Variants in RNF168 observed in about 807,000 individuals in gnomAD.
The protein encoded by RNF168 is E3 ubiquitin-protein ligase RNF168.
In RNF168, 34 loss-of-function variants were observed where a neutral mutation model predicts 34.9. That is an observed-to-expected ratio of 0.97 (90% confidence interval 0.74 to 1.30). The LOEUF (loss-of-function observed/expected upper bound fraction) is 1.30. RNF168 is among the 50% of genes most tolerant of loss of function. RNF168 has a pLI of 0.00. For synonymous variants in RNF168, 264 were observed against 254.7 expected (o/e 1.04, Z -0.35); for missense variants, 725 against 682.5 (o/e 1.06, Z -0.69).
intron 4 of RNF168, 97 bp downstream of exon 4, chr3:196,483,673 C>T (rs937877520): frequency 9.5e-6 from 10 of 1,052,144 alleles, no homozygotes; most frequent in Middle Eastern, 2.9e-4. Flanking sequence ...ACAAAGTTCA[C>T]GGACCAAACT....
chr3:196,474,448 T>C (rs1732091409), intron 5 of RNF168, among the ~76,000 whole-genome samples: 1 of 103,092 alleles, frequency 9.7e-6, no homozygotes. Context: ...TGTAATATTC[T>C]TTTTTTTTTT....
intron 4 of RNF168, among the ~76,000 whole-genome samples, chr3:196,476,415 C>T (rs1370665338): frequency 9.1e-5 from 12 of 131,266 alleles, no homozygotes; most frequent in Non-Finnish European, 1.2e-4. Context: ...TATCAACTCT[C>T]TTCTTTTTTT....
rs777601326 is a variant in RNF168, at chr3:196,483,805, ACTTTT to A, written c.640_644del (p.Lys214Ter). ...CTCCAGTGTTTCTTTGTTTGTTCTTACTTTTCTTTTCAGACTTGGGTGTAACTGGA... is the reference window on the plus strand; with the variant it reads ...CTCCAGTGTTTCTTTGTTTGTTCTTACTTTTCAGACTTGGGTGTAACTGGA... On this transcript the variant is annotated frameshift_variant, in exon 4 of 6. Coordinates refer to ENST00000318037, the MANE Select transcript of RNF168 (RefSeq NM_152617.4). LOFTEE classifies it high-confidence loss of function. 432 of 1,611,386 alleles carry A rather than the reference ACTTTT, an allele frequency of 2.7e-4. 3 individuals carry two copies. The highest frequency in any genetic ancestry group is 1.5e-5 in the Non-Finnish European group (18 of 1,177,604).
In RNF168 at chr3:196,471,196, C is replaced by CAAAAAAAAAAAAA. The variant is rs57647149; in HGVS notation, c.*610_*622dup. ...GCGTGACAGAGCAAGACTCTGTCTCCAAAAAAAAAAAAAAAAAAAAAAAAA... is the reference window on the plus strand; with the variant it reads ...GCGTGACAGAGCAAGACTCTGTCTCCAAAAAAAAAAAAAAAAAAAAAAAAAAAAAAAAAAAAAA... On this transcript the variant is annotated 3_prime_UTR_variant, in exon 6 of 6. Coordinates refer to ENST00000318037, the MANE Select transcript of RNF168 (RefSeq NM_152617.4). 20 of 40,636 alleles carry CAAAAAAAAAAAAA rather than the reference C, an allele frequency of 4.9e-4. 3 individuals are homozygous for CAAAAAAAAAAAAA. Among genetic ancestry groups the CAAAAAAAAAAAAA allele is most frequent in the East Asian group, 2.8e-3 (1 of 358 alleles). 2.5% of individuals were successfully genotyped at this position (40,636 alleles called of 1,614,324 possible).
intron 1 of RNF168, among the ~76,000 whole-genome samples, chr3:196,492,221 G>C (rs911338634): frequency 6.6e-6 from 1 of 152,168 alleles, no homozygotes; most frequent in Non-Finnish European, 1.5e-5. Context: ...CTAAGAGGCT[G>C]GGCACAGTGG....
In RNF168 at chr3:196,474,119, T is replaced by A. The variant is rs1041297127; in HGVS notation, c.762+1112A>T. On this transcript the variant is annotated intron_variant, in intron 5 of 5. Transcript: ENST00000318037. Reference sequence around the variant, plus strand: ...CCTTACTAGCATACTTTTTCTCATCTTGCAATTTTTTTTTTTTTTTTTTTT... The same window carrying A: ...CCTTACTAGCATACTTTTTCTCATCATGCAATTTTTTTTTTTTTTTTTTTT... Among the ~76,000 whole-genome samples the A allele has an allele frequency of 2.7e-5, 4 of 150,140 alleles. No individual in the cohort carries two copies. The Admixed American group carries it at 2.7e-4, about 10-fold the overall frequency.
rs934568197 is a variant in RNF168, at chr3:196,501,753, A to C, written c.301+1120T>G. On this transcript the variant is annotated intron_variant, in intron 1 of 5. Coordinates refer to ENST00000318037, the MANE Select transcript of RNF168 (RefSeq NM_152617.4). ...TTAAAAATAACGCAATATACCAAAA[A>C]CCATTAAATTGCACACTTTTAAACA... Among the ~76,000 whole-genome samples the C allele has an allele frequency of 1.3e-4, 20 of 152,212 alleles. 1 individual carries two copies. The highest frequency in any genetic ancestry group is 1.3e-3 in the Admixed American group (20 of 15,274).
intron 5 of RNF168, among the ~76,000 whole-genome samples, chr3:196,474,291 AT>A (rs71694194): frequency 0.53 from 72,098 of 135,318 alleles, 19,573 homozygotes; most frequent in Non-Finnish European, 0.62. Context: ...CACCTGGCTA[AT>A]TTTTTTTTTT....
chr3:196,472,211 G>C lies in RNF168; in HGVS notation c.1324C>G (p.Gln442Glu), dbSNP rs1386964922. 2 of 1,613,822 alleles carry C rather than the reference G, an allele frequency of 1.2e-6. No individual in the cohort carries two copies. Among genetic ancestry groups the C allele is most frequent in the Non-Finnish European group, 1.7e-6 (2 of 1,179,876 alleles). ...GCCAATAACCTGTCCTGTTCTTCTT[G>C]TTTATGTCTCTCAAACAGTAGATGC... ...LEHLLFERHK[Q>E]EEQDRLLALQ... The change falls in exon 6 of 6, where the codon CAA becomes GAA. Residue 442 changes from glutamine to glutamate, a missense_variant. Physicochemically the swap from Gln to Glu is conservative, Grantham distance 29. Transcript: ENST00000318037.
rs1171077701 is a variant in RNF168 at position 196,470,833 on chromosome 3, C to T, written c.*986G>A. 4 of 152,524 alleles carry T rather than the reference C, an allele frequency of 2.6e-5. No individual in the cohort carries two copies. Among genetic ancestry groups the T allele is most frequent in the African/African-American group, 9.6e-5 (4 of 41,570 alleles). The allele number at this position is 152,524 out of a possible 1,614,324, so 9.4% of individuals were successfully genotyped here. A position where few individuals can be genotyped will look rare whatever the true frequency, so the allele number is the denominator to read the frequency against. ...CTTTCTGGCAACTAATTCCCAATTT[C>T]CTAGAAAACCCTGATTTTCTGATTT... On this transcript the variant is annotated 3_prime_UTR_variant, in exon 6 of 6. Coordinates refer to ENST00000318037, the MANE Select transcript of RNF168 (RefSeq NM_152617.4).
Position 196,503,038 on chromosome 3 carries a change from T to A in RNF168, c.136A>T (p.Lys46Ter). The change falls in exon 1 of 6, where the codon AAG (lysine) becomes TAG (stop). Residue 46 changes from lysine to a stop codon, truncating the protein, a stop_gained. Transcript: ENST00000318037. LOFTEE classifies it high-confidence loss of function. ...CAGAAGGGACAGCATAAACTCGCCT[T>A]TTCGACGGTCGACTGGAAGCACGGT... ...CKPCFQSTVE[K>*]ASLCCPFCRR... 2 of 1,614,104 alleles carry A rather than the reference T, an allele frequency of 1.2e-6. No homozygotes were observed. The highest frequency in any genetic ancestry group is 2.2e-5 in the South Asian group (2 of 91,068).
chr3:196,485,870 A>C (rs1732410502), intron 3 of RNF168, among the ~76,000 whole-genome samples: 1 of 152,198 alleles, frequency 6.6e-6, no homozygotes, highest in Admixed American at 6.5e-5. Flanking sequence ...AATTGTTTTC[A>C]CAGGCTCTCA....
chr3:196,493,752 T>A (rs1732666634), intron 1 of RNF168, among the ~76,000 whole-genome samples: 1 of 152,040 alleles, frequency 6.6e-6, no homozygotes, highest in African/African-American at 2.4e-5. Context: ...GGTCTTGAAC[T>A]CCTGACCTCA....
chr3:196,497,767 C>T (rs561379641), intron 1 of RNF168, among the ~76,000 whole-genome samples: 2 of 151,882 alleles, frequency 1.3e-5, no homozygotes, highest in Admixed American at 1.3e-4. Flanking sequence ...AAGCAATAAA[C>T]TATAAAAGGA....
At chr3:196,489,546 C>T (rs928979383) in intron 1 of RNF168, among the ~76,000 whole-genome samples, 7 of 152,062 alleles carry the variant, frequency 4.6e-5, no homozygotes, top group Non-Finnish European at 7.4e-5. Context: ...AGGCTGGTTT[C>T]GAACTCCTAA....
intron 4 of RNF168, among the ~76,000 whole-genome samples, chr3:196,482,455 T>C (rs1254175985): frequency 6.6e-6 from 1 of 152,184 alleles, no homozygotes; most frequent in Non-Finnish European, 1.5e-5. Context: ...TTCTTTTGGG[T>C]ACATACCTAG....
intron 1 of RNF168, among the ~76,000 whole-genome samples, chr3:196,492,777 CAAATAAATAAAT>C (rs553940481): frequency 2.6e-5 from 4 of 151,272 alleles, no homozygotes; most frequent in Non-Finnish European, 5.9e-5. Context: ...GACTCCATCT[CAAATAAATAAAT>C]AAATAAATAA....
intron 4 of RNF168, among the ~76,000 whole-genome samples, chr3:196,478,691 G>C (rs372515352): frequency 1.4e-5 from 2 of 141,162 alleles, no homozygotes; most frequent in Admixed American, 1.4e-4. Context: ...TTGGGGGACA[G>C]AGTCTCACTC....
chr3:196,490,665 T>C (rs1732570112), intron 1 of RNF168, among the ~76,000 whole-genome samples: 1 of 151,516 alleles, frequency 6.6e-6, no homozygotes, highest in Non-Finnish European at 1.5e-5. Context: ...CCAACTTAAA[T>C]AGTGGCATTG....
Sources: allele counts gnomAD v4.1 joint callset (sites outside exome capture counted in the v4.1 genomes callset), GRCh38; gene constraint gnomAD v4.1.1; transcripts MANE v1.5; gene names NCBI Gene and HGNC (gene_info 2026-07-23, HGNC 2026-07-21).